SMCHD1: variants seen among roughly 807,000 people sequenced by gnomAD.
SMCHD1 encodes structural maintenance of chromosomes flexible hinge domain containing 1.
In SMCHD1, 78 loss-of-function variants were observed where a neutral mutation model predicts 254.7. That is an observed-to-expected ratio of 0.31 (90% CI 0.26 to 0.37). The LOEUF is 0.37. SMCHD1 is among the 10% of genes least tolerant of loss of function. SMCHD1 has a pLI of 1.00. For synonymous variants in SMCHD1, 766 were observed against 794.9 expected, an observed-to-expected ratio of 0.96 and a Z score of 0.61; for missense variants, 1,840 against 2,408.1, an observed-to-expected ratio of 0.76 and a Z score of 4.94.
intron 28 of SMCHD1, 110 bp from the exon 29 acceptor site, chr18:2,743,651 A>C (rs1036495620): frequency 2.5e-5 from 16 of 628,428 alleles, no homozygotes; most frequent in Non-Finnish European, 3.9e-5. Context: ...CTGTCATGTT[A>C]CCAAGAAACA....
At chr18:2,782,097 T>C (rs2076165828) in intron 44 of SMCHD1, among the ~76,000 whole-genome samples, 1 of 152,248 alleles carries the variant, frequency 6.6e-6, no homozygotes, top group Non-Finnish European at 1.5e-5. Flanking sequence ...TCCAGGTTTC[T>C]AAATGAAGTC....
intron 28 of SMCHD1, among the ~76,000 whole-genome samples, chr18:2,742,299 C>T (rs1055894357): frequency 1.1e-4 from 17 of 152,078 alleles, no homozygotes; most frequent in African/African-American, 3.1e-4. Flanking sequence ...GGCTCATTTT[C>T]GGAATTGTGT....
chr18:2,744,359 G>A (rs686077), intron 29 of SMCHD1, among the ~76,000 whole-genome samples: 48,482 of 151,372 alleles, frequency 0.32, 9,756 homozygotes, highest in Non-Finnish European at 0.45. Context: ...TAAATACTTC[G>A]GTATGCCTTC....
At chr18:2,665,418 T>G (rs1357017775) in intron 1 of SMCHD1, among the ~76,000 whole-genome samples, 2 of 152,096 alleles carry the variant, frequency 1.3e-5, no homozygotes, top group Non-Finnish European at 2.9e-5. Flanking sequence ...CCTCCCCAGT[T>G]CAAGTGATTC....
intron 17 of SMCHD1, among the ~76,000 whole-genome samples, chr18:2,717,814 T>G (rs1048538744): frequency 6.6e-6 from 1 of 152,192 alleles, no homozygotes; most frequent in Non-Finnish European, 1.5e-5. Context: ...AAAATTTTGT[T>G]TTTTTTAATA....
In SMCHD1 at chr18:2,738,401, A is replaced by G. The variant is rs761872651; in HGVS notation, c.3281A>G (p.Asn1094Ser). ...AAATATCTCTTTTTCTCCTAGGTTA[A>G]TTGGACTCCTGAGATTAACAAAGAA... is the stretch of plus-strand genomic sequence containing the variant. ...TSALAEKIKVNWTPEINKEHL... is the reference protein window; with the variant it reads ...TSALAEKIKVSWTPEINKEHL... The change falls in exon 26 of 48, where the codon AAT (asparagine) becomes AGT (serine). Residue 1094 changes from asparagine to serine, a missense_variant. Physicochemically the swap from Asn to Ser is conservative, Grantham distance 46 (BLOSUM62 1). Coordinates refer to ENST00000320876, the MANE Select transcript of SMCHD1 (RefSeq NM_015295.3). The G allele has an allele frequency of 2.5e-6, 4 of 1,592,734 alleles. No individual in the cohort carries two copies. The highest frequency in any genetic ancestry group is 2.3e-5 in the East Asian group (1 of 44,170).
intron 41 of SMCHD1, among the ~76,000 whole-genome samples, chr18:2,773,095 A>C (rs2076010836): frequency 2.0e-5 from 3 of 152,232 alleles, no homozygotes. Flanking sequence ...CTATAACTTC[A>C]CAAATATACT....
At chr18:2,672,844 A>G (rs184545016) in intron 3 of SMCHD1, among the ~76,000 whole-genome samples, 22 of 152,328 alleles carry the variant, frequency 1.4e-4, no homozygotes, top group African/African-American at 4.1e-4. Flanking sequence ...CTTGCAGATG[A>G]GCAGTATAGG....
At chr18:2,770,772 C>T (rs1369881884) in intron 39 of SMCHD1, among the ~76,000 whole-genome samples, 1 of 152,104 alleles carries the variant, frequency 6.6e-6, no homozygotes, top group South Asian at 2.1e-4. Flanking sequence ...AGGCACATGC[C>T]ACCACGCCTG....
intron 17 of SMCHD1, among the ~76,000 whole-genome samples, chr18:2,715,250 G>T (rs2074770959): frequency 6.6e-6 from 1 of 151,804 alleles, no homozygotes; most frequent in African/African-American, 2.4e-5. Flanking sequence ...TTGTTGGTTT[G>T]GCTGTTTTAC....
intron 33 of SMCHD1, 35 bp from the exon 34 acceptor site, chr18:2,752,453 T>A: frequency 6.8e-7 from 1 of 1,463,696 alleles, no homozygotes; most frequent in Non-Finnish European, 9.6e-7. Context: ...TTTGTCATTT[T>A]CCCCTCTCCC....
chr18:2,736,063 A>G (rs1039980218), intron 25 of SMCHD1, among the ~76,000 whole-genome samples: 4 of 152,192 alleles, frequency 2.6e-5, no homozygotes, highest in Non-Finnish European at 5.9e-5. Context: ...AAACAAACAC[A>G]TAGACCAGTG....
intron 22 of SMCHD1, chr18:2,726,812 C>A (rs760666786): frequency 2.4e-5 from 4 of 165,648 alleles, no homozygotes; most frequent in Non-Finnish European, 2.6e-5. Context: ...AGAGATGGGT[C>A]TGTTCTTTAC....
chr18:2,786,320 A>G (rs2076240016), intron 45 of SMCHD1, among the ~76,000 whole-genome samples: 1 of 145,104 alleles, frequency 6.9e-6, no homozygotes, highest in South Asian at 2.3e-4. Context: ...AGTAAAATAC[A>G]CATAGAAAAA....
chr18:2,711,649 A>AT lies in SMCHD1; in HGVS notation c.2260+3735dup, dbSNP rs765840484. Among the ~76,000 whole-genome samples, 7 of 150,300 alleles carry AT rather than the reference A, an allele frequency of 4.7e-5. 1 individual carries two copies. In the East Asian group the frequency reaches 9.8e-4, roughly 21 times the overall value. ...AGGCGCCCGCCACTACGCCCGGCTA[A>AT]TTTTTTGTATTTTTAGTAGAGACGG... On this transcript the variant is annotated intron_variant, in intron 17 of 47. Coordinates refer to ENST00000320876, the MANE Select transcript of SMCHD1 (RefSeq NM_015295.3).
intron 24 of SMCHD1, 128 bp downstream of exon 24, chr18:2,729,537 A>G (rs1001943754): frequency 3.5e-6 from 2 of 574,014 alleles, no homozygotes; most frequent in Non-Finnish European, 5.7e-6. Flanking sequence ...CTTTCAGCCA[A>G]AGCAAAGCAA....
chr18:2,690,503 ACT>A (rs1310722145), intron 7 of SMCHD1, among the ~76,000 whole-genome samples: 1 of 151,800 alleles, frequency 6.6e-6, no homozygotes, highest in Non-Finnish European at 1.5e-5. Flanking sequence ...ACAGAGTCTC[ACT>A]CTCTTGCCCA....
In SMCHD1 at chr18:2,803,560, C is replaced by A. The variant is rs907198196; in HGVS notation, c.*1008C>A. The A allele has an allele frequency of 4.6e-5, 7 of 152,138 alleles. No homozygotes were observed. The South Asian group carries it at 8.3e-4, about 18-fold the overall frequency. The allele number at this position is 152,138 out of a possible 1,614,324, so 9.4% of individuals were successfully genotyped here. ...CCCAGGAAATGTATGTGTTTTTAAACCCTTTCTAAATATGCAGGCCATTAA... is the reference window on the plus strand; with the variant it reads ...CCCAGGAAATGTATGTGTTTTTAAAACCTTTCTAAATATGCAGGCCATTAA... On this transcript the variant is annotated 3_prime_UTR_variant, in exon 48 of 48. Transcript: ENST00000320876.
At chr18:2,738,306 G>A (rs2075287490) in intron 25 of SMCHD1, 91 bp from the exon 26 acceptor site, 1 of 1,191,376 alleles carries the variant, frequency 8.4e-7, no homozygotes, top group Non-Finnish European at 1.1e-6. Context: ...GAAGAAGACG[G>A]ATTATAATGT....
Sources: allele counts gnomAD v4.1 joint callset (sites outside exome capture counted in the v4.1 genomes callset), GRCh38; gene constraint gnomAD v4.1.1; transcripts MANE v1.5; gene names NCBI Gene and HGNC (gene_info 2026-07-23, HGNC 2026-07-21).